Variants in KCNH8 observed in about 807,000 individuals in gnomAD.
The protein encoded by KCNH8 is voltage-gated delayed rectifier potassium channel KCNH8.
In KCNH8, 70 loss-of-function variants were observed where a neutral mutation model predicts 103.6. The ratio of observed to expected loss-of-function variants is 0.68; its 90% confidence interval spans 0.56 to 0.82. The LOEUF (loss-of-function observed/expected upper bound fraction) is 0.82, where lower values mean the gene tolerates loss of function less well. Among genes scored for constraint, KCNH8 ranks in the 40% least tolerant of loss-of-function variants. KCNH8 has a pLI of 0.00. For synonymous variants in KCNH8, 498 were observed against 489.4 expected (o/e 1.02, Z -0.23); for missense variants, 1,217 against 1,329.9 (o/e 0.92, Z 1.32).
intron 5 of KCNH8, among the ~76,000 whole-genome samples, chr3:19,352,096 G>C (rs1019201586): frequency 2.6e-5 from 4 of 152,098 alleles, no homozygotes; most frequent in African/African-American, 9.7e-5. Context: ...CCTAGTCTCT[G>C]ATAAAACAGA....
chr3:19,522,905 A>G (rs901883783), intron 15 of KCNH8, among the ~76,000 whole-genome samples: 1 of 151,830 alleles, frequency 6.6e-6, no homozygotes, highest in Non-Finnish European at 1.5e-5. Context: ...CAGAATTTAG[A>G]AAGTATTTCA....
chr3:19,399,683 AC>A (rs2066580324), intron 7 of KCNH8, among the ~76,000 whole-genome samples: 1 of 151,862 alleles, frequency 6.6e-6, no homozygotes, highest in South Asian at 2.1e-4. Flanking sequence ...CAGCATTATC[AC>A]CACCACCTCT....
intron 4 of KCNH8, among the ~76,000 whole-genome samples, chr3:19,343,348 T>C (rs904437643): frequency 1.3e-5 from 2 of 152,124 alleles, no homozygotes; most frequent in African/African-American, 4.8e-5. Flanking sequence ...ACTATGCCTG[T>C]ATAAGGAGTT....
At chr3:19,329,895 G>A (rs756101866) in intron 3 of KCNH8, among the ~76,000 whole-genome samples, 8 of 151,054 alleles carry the variant, frequency 5.3e-5, no homozygotes, top group Non-Finnish European at 2.9e-5. Context: ...CTGCACACCC[G>A]AACTGTTTCT....
intron 1 of KCNH8, among the ~76,000 whole-genome samples, chr3:19,202,977 T>C (rs1179813521): frequency 6.6e-6 from 1 of 152,134 alleles, no homozygotes; most frequent in African/African-American, 2.4e-5. Context: ...CCACTTCAAA[T>C]ACTGTTTGCA....
Position 19,487,386 on chromosome 3 carries a change from G to A in KCNH8, c.2041-22977G>A, listed in dbSNP as rs1035018260. On this transcript the variant is annotated intron_variant, in intron 11 of 15. Coordinates refer to ENST00000328405, the MANE Select transcript of KCNH8 (RefSeq NM_144633.3). ...ACCAAGCGCAAGTCCTGCACTGGCC[G>A]GTAGTCCTTTGTCCCTGGCTTAGGG... is the stretch of plus-strand genomic sequence containing the variant. Among the ~76,000 whole-genome samples, 7 of 152,316 alleles carry A rather than the reference G, an allele frequency of 4.6e-5. No individual in the cohort carries two copies. The South Asian group carries it at 6.2e-4, about 14-fold the overall frequency.
chr3:19,346,418 C>T (rs896625176), intron 4 of KCNH8, among the ~76,000 whole-genome samples: 4 of 151,974 alleles, frequency 2.6e-5, no homozygotes, highest in Non-Finnish European at 4.4e-5. Context: ...ATTTAAGGAC[C>T]ATCTGGAAGT....
chr3:19,368,697 A>G (rs574380917), intron 5 of KCNH8, among the ~76,000 whole-genome samples: 203 of 152,118 alleles, frequency 1.3e-3, no homozygotes, highest in Non-Finnish European at 2.2e-3. Flanking sequence ...GCAATATAAT[A>G]GCTGGTCAGT....
At chr3:19,493,276 G>A (rs1251572984) in intron 11 of KCNH8, among the ~76,000 whole-genome samples, 2 of 152,114 alleles carry the variant, frequency 1.3e-5, no homozygotes, top group African/African-American at 2.4e-5. Context: ...AACGGGGAGA[G>A]TGGGCATCTT....
intron 11 of KCNH8, among the ~76,000 whole-genome samples, chr3:19,484,023 G>A (rs1380649238): frequency 3.3e-5 from 5 of 152,120 alleles, no homozygotes; most frequent in Admixed American, 3.3e-4. Flanking sequence ...TTAATTAAGA[G>A]AGTCACATTT....
chr3:19,352,579 T>A (rs1031937367), intron 5 of KCNH8, among the ~76,000 whole-genome samples: 12 of 152,144 alleles, frequency 7.9e-5, no homozygotes, highest in African/African-American at 2.7e-4. Flanking sequence ...ATTAAGAACC[T>A]CACTCAAAAC....
At chr3:19,250,208 C>T (rs999274567) in intron 1 of KCNH8, among the ~76,000 whole-genome samples, 1 of 151,438 alleles carries the variant, frequency 6.6e-6, no homozygotes, top group Non-Finnish European at 1.5e-5. Flanking sequence ...GAGGCTGCAG[C>T]GAGCTGTGAT....
At chr3:19,524,407 T>C (rs2069027081) in intron 15 of KCNH8, among the ~76,000 whole-genome samples, 1 of 151,940 alleles carries the variant, frequency 6.6e-6, no homozygotes, top group Non-Finnish European at 1.5e-5. Context: ...GTGTTATTGA[T>C]GTTAATACTA....
rs1054325473 is a variant in KCNH8 at position 19,148,633 on chromosome 3, G to A, written c.-87G>A. 14 of 1,317,686 alleles carry A rather than the reference G, an allele frequency of 1.1e-5. No individual in the cohort carries two copies. The highest frequency in any genetic ancestry group is 1.5e-5 in the Non-Finnish European group (14 of 909,044). The allele number at this position is 1,317,686 out of a possible 1,614,324, so 81.6% of individuals were successfully genotyped here. Reference sequence around the variant, plus strand: ...GGGTCCCCCTTCCCTGCCGTCATCAGGTTCCCCTTCTCCCTTCTTGGCACT... The same window carrying A: ...GGGTCCCCCTTCCCTGCCGTCATCAAGTTCCCCTTCTCCCTTCTTGGCACT... On this transcript the variant is annotated 5_prime_UTR_variant, in exon 1 of 16. Transcript: ENST00000328405.
intron 8 of KCNH8, among the ~76,000 whole-genome samples, chr3:19,440,093 G>A (rs1184911038): frequency 6.6e-6 from 1 of 152,060 alleles, no homozygotes; most frequent in African/African-American, 2.4e-5. Context: ...GCAGGCTAAG[G>A]AGAACCAACA....
intron 2 of KCNH8, among the ~76,000 whole-genome samples, chr3:19,262,809 C>G (rs1292510249): frequency 6.6e-6 from 1 of 151,968 alleles, no homozygotes; most frequent in Admixed American, 6.6e-5. Flanking sequence ...TGAAACCAGG[C>G]TTGAGATCAC....
chr3:19,165,301 A>C (rs1222667741), intron 1 of KCNH8, among the ~76,000 whole-genome samples: 1 of 152,214 alleles, frequency 6.6e-6, no homozygotes, highest in East Asian at 1.9e-4. Flanking sequence ...CGTCCTCTGC[A>C]TTCAATTTTC....
intron 7 of KCNH8, among the ~76,000 whole-genome samples, chr3:19,435,118 C>T (rs921252457): frequency 3.3e-5 from 5 of 151,960 alleles, no homozygotes; most frequent in African/African-American, 9.7e-5. Context: ...CATTTCATAA[C>T]GTATATGTAT....
At chr3:19,472,564 A>G (rs754138113) in intron 11 of KCNH8, among the ~76,000 whole-genome samples, 26 of 152,136 alleles carry the variant, frequency 1.7e-4, no homozygotes, top group Non-Finnish European at 3.1e-4. Context: ...GCCTTCCACC[A>G]TGATTGTGAG....
Sources: gnomAD v4.1 joint callset for allele counts (sites outside exome capture counted in the v4.1 genomes callset) on GRCh38, gnomAD v4.1.1 for gene constraint, MANE v1.5 for transcripts, NCBI Gene and HGNC (gene_info 2026-07-23, HGNC 2026-07-21) for gene names.